CCSER1: variants seen among roughly 807,000 people sequenced by gnomAD.
CCSER1 encodes serine-rich coiled-coil domain-containing protein 1.
In CCSER1, 41 loss-of-function variants were observed where a neutral mutation model predicts 82.0. That is an observed-to-expected ratio of 0.50 (90% CI 0.39 to 0.65). The LOEUF is 0.65. CCSER1 is among the 30% of genes least tolerant of loss of function. The pLI, the probability that CCSER1 is intolerant of heterozygous loss-of-function variation, is 0.00. For missense variants in CCSER1, 1,119 were observed against 1,064.2 expected, an observed-to-expected ratio of 1.05 and a Z score of -0.72; for synonymous variants, 414 against 383.9, an observed-to-expected ratio of 1.08 and a Z score of -0.92.
intron 10 of CCSER1, among the ~76,000 whole-genome samples, chr4:91,333,749 A>G (rs1528570): frequency 0.064 from 9,759 of 152,114 alleles, 407 homozygotes; most frequent in South Asian, 0.11. Context: ...AAATGTATTT[A>G]TAGTTTTTAA....
intron 4 of CCSER1, among the ~76,000 whole-genome samples, chr4:90,440,576 T>C (rs1012359359): frequency 4.6e-5 from 7 of 152,162 alleles, no homozygotes; most frequent in Admixed American, 1.3e-4. Flanking sequence ...AGGCAGTTGG[T>C]GGGCAAATGT....
At chr4:90,675,499 C>T (rs1005935208) in intron 6 of CCSER1, among the ~76,000 whole-genome samples, 1 of 151,776 alleles carries the variant, frequency 6.6e-6, no homozygotes, top group Non-Finnish European at 1.5e-5. Context: ...GTATGTTGAA[C>T]TCAATTTTAT....
At chr4:91,422,389 C>A (rs116670079) in intron 10 of CCSER1, among the ~76,000 whole-genome samples, 1 of 152,134 alleles carries the variant, frequency 6.6e-6, no homozygotes, top group African/African-American at 2.4e-5. Context: ...TTAGACTGAT[C>A]ATTTTCTTCT....
chr4:90,873,169 G>T (rs150020887), intron 8 of CCSER1, among the ~76,000 whole-genome samples: 76 of 151,964 alleles, frequency 5.0e-4, no homozygotes, highest in African/African-American at 1.7e-3. Flanking sequence ...TTTCTACCCC[G>T]ATCTCTCTGT....
intron 5 of CCSER1, among the ~76,000 whole-genome samples, chr4:90,492,048 G>A (rs62312950): frequency 6.6e-6 from 1 of 152,236 alleles, no homozygotes; most frequent in Non-Finnish European, 1.5e-5. Context: ...AGTTAGGGAG[G>A]ATTCCCTCTT....
chr4:91,033,727 G>A (rs907214818), intron 9 of CCSER1, among the ~76,000 whole-genome samples: 5 of 152,116 alleles, frequency 3.3e-5, no homozygotes, highest in Admixed American at 3.3e-4. Context: ...ACTTACTACG[G>A]ACTCAGAAGT....
chr4:91,580,951 T>G (rs1271422753), intron 10 of CCSER1, among the ~76,000 whole-genome samples: 1 of 151,618 alleles, frequency 6.6e-6, no homozygotes, highest in Non-Finnish European at 1.5e-5. Context: ...TTATATAACC[T>G]TTAAGTGACT....
At chr4:90,874,944 G>A (rs773060522) in intron 8 of CCSER1, among the ~76,000 whole-genome samples, 3 of 152,140 alleles carry the variant, frequency 2.0e-5, no homozygotes, top group Admixed American at 6.6e-5. Flanking sequence ...TACTCAGAAG[G>A]CTGCGGCAGG....
rs1259728334 is a variant in CCSER1 at position 91,356,659 on chromosome 4, A to C, written c.2218-241913A>C. ...AAAAGTCCACCACAATACCACCACA[A>C]ATCCACTCGGGGATGAACAAGGGCT... On this transcript the variant is annotated intron_variant, in intron 10 of 10. Coordinates refer to ENST00000509176, the MANE Select transcript of CCSER1 (RefSeq NM_001145065.2). 2.0e-5 allele frequency among the ~76,000 whole-genome samples: 3 copies of C among 152,308 alleles called. No individual in the cohort carries two copies. In the East Asian group the frequency reaches 5.8e-4, roughly 29 times the overall value.
chr4:90,214,782 G>GC (rs1740714104), intron 1 of CCSER1, among the ~76,000 whole-genome samples: 1 of 152,166 alleles, frequency 6.6e-6, no homozygotes, highest in African/African-American at 2.4e-5. Context: ...AAATGAAGAA[G>GC]CTGAGGTCCA....
chr4:90,229,373 C>T (rs1743951484), intron 1 of CCSER1, among the ~76,000 whole-genome samples: 1 of 151,896 alleles, frequency 6.6e-6, no homozygotes, highest in Non-Finnish European at 1.5e-5. Flanking sequence ...CCAAACTAAG[C>T]TTTATAAGTG....
At chr4:90,415,862 T>G (rs1394547282) in intron 4 of CCSER1, among the ~76,000 whole-genome samples, 1 of 152,206 alleles carries the variant, frequency 6.6e-6, no homozygotes, top group African/African-American at 2.4e-5. Flanking sequence ...AAAACACATT[T>G]TAGTGTTACC....
chr4:90,728,682 C>T (rs981078638), intron 7 of CCSER1, among the ~76,000 whole-genome samples: 6 of 152,056 alleles, frequency 3.9e-5, no homozygotes, highest in Admixed American at 3.9e-4. Context: ...TATTTAAAAA[C>T]ATATATTCTA....
At chr4:90,413,876 G>GA (rs1443030871) in intron 4 of CCSER1, among the ~76,000 whole-genome samples, 1 of 144,750 alleles carries the variant, frequency 6.9e-6, no homozygotes, top group Non-Finnish European at 1.5e-5. Context: ...GTGAACCCGG[G>GA]AGGTGGAGCT....
intron 5 of CCSER1, among the ~76,000 whole-genome samples, chr4:90,527,255 A>G (rs879298652): frequency 6.6e-6 from 1 of 152,230 alleles, no homozygotes; most frequent in East Asian, 1.9e-4. Context: ...TTAATGAGAA[A>G]AAAACAACCC....
intron 10 of CCSER1, among the ~76,000 whole-genome samples, chr4:91,272,822 A>G (rs1433612804): frequency 2.0e-5 from 3 of 152,184 alleles, no homozygotes; most frequent in African/African-American, 4.8e-5. Flanking sequence ...TGGCTTGCCA[A>G]TTATCCCAAC....
chr4:90,750,119 G>A (rs558438211), intron 7 of CCSER1, among the ~76,000 whole-genome samples: 30 of 151,718 alleles, frequency 2.0e-4, no homozygotes, highest in African/African-American at 5.6e-4. Context: ...CATGTCCTTC[G>A]CCCACTTTTT....
intron 10 of CCSER1, among the ~76,000 whole-genome samples, chr4:91,422,457 A>G (rs537564319): frequency 6.6e-6 from 1 of 152,058 alleles, no homozygotes; most frequent in Non-Finnish European, 1.5e-5. Flanking sequence ...TTATTGCCTA[A>G]TTGTGTGTCA....
At chr4:91,457,903 T>C (rs967911493) in intron 10 of CCSER1, among the ~76,000 whole-genome samples, 16 of 152,182 alleles carry the variant, frequency 1.1e-4, no homozygotes, top group African/African-American at 3.9e-4. Flanking sequence ...TATGAAATTA[T>C]ATTAGATACA....
Sources: gnomAD v4.1 joint callset for allele counts (sites outside exome capture counted in the v4.1 genomes callset) on GRCh38, gnomAD v4.1.1 for gene constraint, MANE v1.5 for transcripts, NCBI Gene and HGNC (gene_info 2026-07-23, HGNC 2026-07-21) for gene names.